The following AGO2 variants were observed in gnomAD, a reference collection of about 807,000 sequenced individuals.
The protein encoded by AGO2 is argonaute RISC catalytic component 2.
AGO2 carries 5 observed loss-of-function variants against 102.3 expected under a neutral mutation model. The ratio of observed to expected loss-of-function variants is 0.05; its 90% confidence interval spans 0.03 to 0.10. The LOEUF is 0.10. AGO2 is among the 10% of genes least tolerant of loss of function. The pLI is 1.00. For synonymous variants in AGO2, 449 were observed against 473.1 expected (o/e 0.95, Z 0.66); for missense variants, 541 against 1,183.7 (o/e 0.46, Z 7.97).
chr8:140,620,271 G>T (rs936156285), intron 1 of AGO2, among the ~76,000 whole-genome samples: 11 of 152,170 alleles, frequency 7.2e-5, no homozygotes, highest in African/African-American at 2.4e-4. Context: ...CCTAAGAGCT[G>T]TAGGCCGGGT....
At chr8:140,632,860 G>T (rs975854972) in intron 1 of AGO2, among the ~76,000 whole-genome samples, 1 of 151,932 alleles carries the variant, frequency 6.6e-6, no homozygotes, top group African/African-American at 2.4e-5. Flanking sequence ...TGCCTAATAA[G>T]GGTGTTACAA....
In AGO2 at chr8:140,627,830, T is replaced by A. The variant is rs2074295418; in HGVS notation, c.22+7655A>T. The stretch of plus-strand genomic sequence containing the variant: ...CGGTCACTTGTCAGAGCTCCACGCT[T>A]CATCAGTAAAGGAGACCACCACAAA... On this transcript the variant is annotated intron_variant, in intron 1 of 18. Coordinates refer to ENST00000220592, the MANE Select transcript of AGO2 (RefSeq NM_012154.5). Among the ~76,000 whole-genome samples the A allele has an allele frequency of 2.0e-5, 3 of 152,020 alleles. No individual in the cohort carries two copies. In the South Asian group the frequency reaches 6.2e-4, roughly 32 times the overall value.
chr8:140,580,149 CCACCT>C (rs550346442), intron 2 of AGO2, among the ~76,000 whole-genome samples: 2,189 of 152,352 alleles, frequency 0.014, 31 homozygotes, highest in Middle Eastern at 0.041. Flanking sequence ...TGTTGTGCAG[CCACCT>C]TGGTGCCCAC....
At chr8:140,547,223 G>C (rs914406096) in intron 13 of AGO2, among the ~76,000 whole-genome samples, 3 of 152,180 alleles carry the variant, frequency 2.0e-5, no homozygotes, top group African/African-American at 7.2e-5. Flanking sequence ...ACTGGGATTC[G>C]AGGCACAAAT....
rs146764710 is a variant in AGO2 at position 140,551,024 on chromosome 8, C to T, written c.1403+279G>A. On this transcript the variant is annotated intron_variant, in intron 11 of 18. Coordinates refer to ENST00000220592, the MANE Select transcript of AGO2 (RefSeq NM_012154.5). ...CTCTTTTGCCCCTACTTATAAATTT[C>T]CTTCAGATCCTGTTTGGTTTTGTCT... Among the ~76,000 whole-genome samples, 1,515 of 152,324 alleles carry T rather than the reference C, an allele frequency of 9.9e-3. 14 individuals are homozygous for T. Among genetic ancestry groups the T allele is most frequent in the Non-Finnish European group, 0.017 (1,154 of 68,024 alleles).
In AGO2 at chr8:140,595,533, T is replaced by C. The variant is rs1023338723; in HGVS notation, c.23-10222A>G. 8.1e-5 allele frequency among the ~76,000 whole-genome samples: 12 copies of C among 147,920 alleles called. No homozygotes were observed. In the South Asian group the frequency reaches 2.3e-3, roughly 28 times the overall value. On this transcript the variant is annotated intron_variant, in intron 1 of 18. Transcript: ENST00000220592. ...AAGCTGAAGTGCAGTGGTGCGATCATAGGGCTCAAGTGATCCTCCTGTCCC... is the reference window on the plus strand; with the variant it reads ...AAGCTGAAGTGCAGTGGTGCGATCACAGGGCTCAAGTGATCCTCCTGTCCC...
Position 140,568,503 on chromosome 8 carries a change from G to A in AGO2, c.336+4309C>T, listed in dbSNP as rs529618989. 2.6e-5 allele frequency among the ~76,000 whole-genome samples: 4 copies of A among 152,254 alleles called. No homozygotes were observed. The East Asian group carries it at 5.8e-4, about 22-fold the overall frequency. On this transcript the variant is annotated intron_variant, in intron 3 of 18. Transcript: ENST00000220592. ...TGGCCACGAGGATCCTGACCTGGAC[G>A]GGGCCTCCCTGGGGCGGCAGGAAGA...
upstream of AGO2, chr8:140,635,660 G>A: frequency 6.0e-6 from 2 of 333,454 alleles, no homozygotes; most frequent in Non-Finnish European, 8.4e-6. Flanking sequence ...CGGGGCGGCG[G>A]GCGGAGGCGG....
Position 140,619,890 on chromosome 8 carries a change from C to T in AGO2, c.22+15595G>A, listed in dbSNP as rs573479537. On this transcript the variant is annotated intron_variant, in intron 1 of 18. Transcript: ENST00000220592. Reference sequence around the variant, plus strand: ...ATGATCCCATGGTTTTTAACATGAACGCGGGGGATAAGCACATGTAGATGT... The same window carrying T: ...ATGATCCCATGGTTTTTAACATGAATGCGGGGGATAAGCACATGTAGATGT... 1.7e-4 allele frequency among the ~76,000 whole-genome samples: 26 copies of T among 152,248 alleles called. No homozygotes were observed. In the East Asian group the frequency reaches 3.7e-3, roughly 21 times the overall value.
At chr8:140,550,192 C>T (rs1210808711) in intron 11 of AGO2, among the ~76,000 whole-genome samples, 3 of 152,210 alleles carry the variant, frequency 2.0e-5, no homozygotes, top group Non-Finnish European at 4.4e-5. Flanking sequence ...CTCAGAAGGA[C>T]AGATGGCCAC....
chr8:140,608,042 T>A (rs937828400), intron 1 of AGO2, among the ~76,000 whole-genome samples: 2 of 152,118 alleles, frequency 1.3e-5, no homozygotes, highest in African/African-American at 2.4e-5. Flanking sequence ...TGGCCTTTGG[T>A]GAAGAACACA....
chr8:140,635,339 G>T, intron 1 of AGO2, 146 bp downstream of exon 1: 1 of 459,722 alleles, frequency 2.2e-6, no homozygotes, highest in Non-Finnish European at 2.8e-6. Context: ...GCCCCCAAGC[G>T]CGGCCCCGGC....
At chr8:140,610,028 TAAAAAAAAAAAA>T (rs55637374) in intron 1 of AGO2, among the ~76,000 whole-genome samples, 10 of 126,556 alleles carry the variant, frequency 7.9e-5, no homozygotes, top group African/African-American at 2.3e-4. Flanking sequence ...ACCTTGACTC[TAAAAAAAAAAAA>T]AAAAAAAAAA....
At position 140,522,562 on chromosome 8, in the gene AGO2, A is replaced by AAC. The variant is rs1351192228; in HGVS notation, c.*9481_*9482insGT. ...AAAAAAGAAACATGAAAAAAAAAAA[A>AAC]AACCCTGAAAAAGTCGCAAGACTTT... On this transcript the variant is annotated 3_prime_UTR_variant, in exon 19 of 19. Transcript: ENST00000220592. The AAC allele has an allele frequency of 4.7e-5, 7 of 148,810 alleles. No homozygotes were observed. Among genetic ancestry groups the AAC allele is most frequent in the African/African-American group, 1.8e-4 (7 of 38,872 alleles). The allele number at this position is 148,810 out of a possible 1,614,324, so 9.2% of individuals were successfully genotyped here. A position where few individuals can be genotyped will look rare whatever the true frequency, so the allele number is the denominator to read the frequency against.
At position 140,539,546 on chromosome 8, in the gene AGO2, G is replaced by T; in HGVS notation, c.2035-92C>A. 7.0e-7 allele frequency: 1 copy of T among 1,431,966 alleles called. No individual in the cohort carries two copies. The highest frequency in any genetic ancestry group is 9.5e-7 in the Non-Finnish European group (1 of 1,053,016). The allele number at this position is 1,431,966 out of a possible 1,614,324, so 88.7% of individuals were successfully genotyped here. Reference sequence around the variant, plus strand: ...GCGGGTTCTGGGTTGAGAACACCCAGCCGTGGTGATTCTGAGAGACAATGA... The same window carrying T: ...GCGGGTTCTGGGTTGAGAACACCCATCCGTGGTGATTCTGAGAGACAATGA... On this transcript the variant is annotated intron_variant, in intron 15 of 18. Coordinates refer to ENST00000220592, the MANE Select transcript of AGO2 (RefSeq NM_012154.5). The surrounding 1 kb of genome is among the most constrained non-coding windows in gnomAD (Gnocchi z 4.7).
chr8:140,597,401 G>A (rs1276320260), intron 1 of AGO2, among the ~76,000 whole-genome samples: 2 of 151,022 alleles, frequency 1.3e-5, no homozygotes, highest in Non-Finnish European at 2.9e-5. Context: ...GTTGAAGTCT[G>A]GCTGACATTA....
chr8:140,579,438 T>G (rs1203452827), intron 2 of AGO2, among the ~76,000 whole-genome samples: 1 of 152,144 alleles, frequency 6.6e-6, no homozygotes, highest in Admixed American at 6.5e-5. Flanking sequence ...TTGGGATCTT[T>G]CCTCCTAACT....
intron 1 of AGO2, among the ~76,000 whole-genome samples, chr8:140,634,835 G>C (rs2074383661): frequency 6.6e-6 from 1 of 152,214 alleles, no homozygotes; most frequent in Non-Finnish European, 1.5e-5. Context: ...CCTAACTACA[G>C]GAATTGGCCA....
chr8:140,640,801 G>A, the AGO2 span, among the ~76,000 whole-genome samples: 1 of 152,164 alleles, frequency 6.6e-6, no homozygotes, highest in African/African-American at 2.4e-5. Context: ...TTACAGGCGT[G>A]AGCCACCACG....
Sources: gnomAD v4.1 joint callset for allele counts (sites outside exome capture counted in the v4.1 genomes callset) on GRCh38, gnomAD v4.1.1 for gene constraint, Gnocchi (gnomAD v3.1) non-coding constraint, MANE v1.5 for transcripts, NCBI Gene and HGNC (gene_info 2026-07-23, HGNC 2026-07-21) for gene names.